Variants in RIC8B observed in about 807,000 individuals in gnomAD.
RIC8B encodes RIC8 guanine nucleotide exchange factor B, also known as chaperone Ric-8B.
Under a neutral mutation model 57.5 loss-of-function variants are expected in RIC8B, and 16 were observed. That is an observed-to-expected ratio of 0.28 (90% confidence interval 0.19 to 0.42). The LOEUF (loss-of-function observed/expected upper bound fraction) is 0.42. Ranked by LOEUF, RIC8B falls within the 10% of genes least tolerant of loss-of-function variation. The pLI is 1.00. For synonymous variants in RIC8B, 216 were observed against 250.8 expected (o/e 0.86, Z 1.31); for missense variants, 481 against 677.0 (o/e 0.71, Z 3.21).
At chr12:106,874,635 TA>T in intron 9 of RIC8B, 1 of 1,165,812 alleles carries the variant, frequency 8.6e-7, no homozygotes. Flanking sequence ...ACCAAAATTG[TA>T]AAACCACCAA....
intron 1 of RIC8B, 133 bp from the exon 2 acceptor site, chr12:106,783,864 C>G: frequency 2.8e-6 from 2 of 706,444 alleles, no homozygotes. Flanking sequence ...GTCTCCCTTA[C>G]TTTAATAAGA....
chr12:106,801,250 T>G (rs575643606), intron 2 of RIC8B, among the ~76,000 whole-genome samples: 17 of 152,316 alleles, frequency 1.1e-4, no homozygotes, highest in African/African-American at 3.8e-4. Flanking sequence ...AAACTTTTCT[T>G]GTCAAGAAAG....
intron 2 of RIC8B, among the ~76,000 whole-genome samples, chr12:106,788,277 T>C (rs1224720040): frequency 3.3e-5 from 5 of 152,198 alleles, no homozygotes; most frequent in Admixed American, 1.3e-4. Context: ...TTGCAGGGTA[T>C]AGCTCCACAC....
At chr12:106,871,493 A>AAC (rs1555263958) in intron 9 of RIC8B, 3 of 134,886 alleles carry the variant, frequency 2.2e-5, no homozygotes, top group South Asian at 4.7e-4. Flanking sequence ...AAAAAAAAAA[A>AAC]AAAAACCAAA....
chr12:106,821,057 A>G (rs1396781232), intron 3 of RIC8B, among the ~76,000 whole-genome samples: 1 of 152,270 alleles, frequency 6.6e-6, no homozygotes, highest in Non-Finnish European at 1.5e-5. Flanking sequence ...GGAAACAATT[A>G]GTAAACAGTT....
At chr12:106,835,871 G>A (rs2046575293) in intron 4 of RIC8B, among the ~76,000 whole-genome samples, 1 of 152,158 alleles carries the variant, frequency 6.6e-6, no homozygotes, top group Admixed American at 6.5e-5. Context: ...AGCATTCAGG[G>A]GTCTTTCCAT....
intron 1 of RIC8B, among the ~76,000 whole-genome samples, chr12:106,778,372 T>C (rs2043589355): frequency 6.6e-6 from 1 of 152,232 alleles, no homozygotes; most frequent in African/African-American, 2.4e-5. Context: ...CCAGAAAGAA[T>C]GAAACTTGTC....
rs1566149529 is a variant in RIC8B at position 106,860,299 on chromosome 12, G to C, written c.1338G>C (p.Gly446=). ...VDSLLKYTGY[G]NAAGLLAARG... is the part of the protein sequence containing the mutation. ...GTCTGCTGAAATACACTGGCTATGG[G>C]AATGCTGCAGGACTGTTGGCGGCCA... is the stretch of plus-strand genomic sequence containing the variant. The change falls in exon 8 of 10, where the codon GGG becomes GGC. Residue 446 remains glycine, a synonymous_variant. Coordinates refer to ENST00000392837, the MANE Select transcript of RIC8B (RefSeq NM_001330145.2). The C allele has an allele frequency of 6.2e-7, 1 of 1,606,542 alleles. No individual in the cohort carries two copies. Among genetic ancestry groups the C allele is most frequent in the East Asian group, 2.3e-5 (1 of 44,320 alleles).
chr12:106,869,512 A>G (rs973379968), intron 8 of RIC8B, among the ~76,000 whole-genome samples: 11 of 151,388 alleles, frequency 7.3e-5, no homozygotes, highest in African/African-American at 2.7e-4. Flanking sequence ...AACACTCCAC[A>G]TTGTGTATAT....
At chr12:106,823,691 T>C (rs2045960301) in intron 3 of RIC8B, among the ~76,000 whole-genome samples, 1 of 151,906 alleles carries the variant, frequency 6.6e-6, no homozygotes, top group Admixed American at 6.6e-5. Flanking sequence ...ATAATTTTTT[T>C]TTTTTTTTTT....
intron 4 of RIC8B, among the ~76,000 whole-genome samples, chr12:106,836,899 A>G (rs2046624954): frequency 6.6e-6 from 1 of 152,226 alleles, no homozygotes; most frequent in South Asian, 2.1e-4. Context: ...TGGGTCAGCC[A>G]CACCAACTTC....
intron 4 of RIC8B, among the ~76,000 whole-genome samples, chr12:106,835,137 G>T (rs754549689): frequency 6.6e-6 from 1 of 151,790 alleles, no homozygotes; most frequent in Non-Finnish European, 1.5e-5. Flanking sequence ...TCATTCTTCA[G>T]CCCACTGTAA....
At chr12:106,818,256 T>G (rs1257304251) in intron 3 of RIC8B, among the ~76,000 whole-genome samples, 1 of 151,946 alleles carries the variant, frequency 6.6e-6, no homozygotes, top group Non-Finnish European at 1.5e-5. Context: ...AACCTCTGGC[T>G]CCCAGGTTCA....
intron 8 of RIC8B, among the ~76,000 whole-genome samples, chr12:106,861,157 A>G (rs1949915758): frequency 1.3e-5 from 2 of 152,024 alleles, no homozygotes; most frequent in South Asian, 2.1e-4. Flanking sequence ...TATTTGAGCT[A>G]TGTTTTTTCT....
chr12:106,864,578 C>A (rs1950063106), intron 8 of RIC8B, among the ~76,000 whole-genome samples: 1 of 152,118 alleles, frequency 6.6e-6, no homozygotes, highest in African/African-American at 2.4e-5. Flanking sequence ...GTCAGGCAGC[C>A]TGACTCTAGA....
intron 3 of RIC8B, 95 bp downstream of exon 3, chr12:106,815,399 T>C: frequency 7.5e-7 from 1 of 1,340,150 alleles, no homozygotes; most frequent in Non-Finnish European, 1.0e-6. Flanking sequence ...AGTTGGGAAA[T>C]GGAAAAAGTT....
Position 106,860,477 on chromosome 12 carries a change from C to T in RIC8B, c.1451+65C>T, listed in dbSNP as rs1949884167. On this transcript the variant is annotated intron_variant, in intron 8 of 9. Coordinates refer to ENST00000392837, the MANE Select transcript of RIC8B (RefSeq NM_001330145.2). ...CCTTTGAGTTGGTTATTTCCTTTGT[C>T]TTTCATTTTCCAAGTGTTTCTTTTC... The T allele has an allele frequency of 3.4e-6, 4 of 1,191,662 alleles. No homozygotes were observed. In the East Asian group the frequency reaches 1.2e-4, roughly 35 times the overall value. 73.8% of individuals were successfully genotyped at this position (1,191,662 alleles called of 1,614,324 possible). A position where few individuals can be genotyped will look rare whatever the true frequency, so the allele number is the denominator to read the frequency against.
intron 2 of RIC8B, chr12:106,797,863 G>A (rs1386979397): frequency 2.3e-6 from 1 of 443,692 alleles, no homozygotes; most frequent in Non-Finnish European, 4.0e-6. Context: ...CATGATTCGA[G>A]CTTAGGCAGC....
rs1158825407 is a variant in RIC8B, at chr12:106,889,090, A to C, written c.*3075A>C. ...AAAGTAATATATGTTCATTGTGGAA[A>C]GTTTGGAAAATGCAGAAAATAAAAT... On this transcript the variant is annotated 3_prime_UTR_variant, in exon 10 of 10. Coordinates refer to ENST00000392837, the MANE Select transcript of RIC8B (RefSeq NM_001330145.2). 1 of 152,152 alleles carries C rather than the reference A, an allele frequency of 6.6e-6. No homozygotes were observed. The highest frequency in any genetic ancestry group is 1.5e-5 in the Non-Finnish European group (1 of 68,018). 9.4% of individuals were successfully genotyped at this position (152,152 alleles called of 1,614,324 possible). A position where few individuals can be genotyped will look rare whatever the true frequency, so the allele number is the denominator to read the frequency against.
Sources: gnomAD v4.1 joint callset for allele counts (sites outside exome capture counted in the v4.1 genomes callset) on GRCh38, gnomAD v4.1.1 for gene constraint, MANE v1.5 for transcripts, NCBI Gene and HGNC (gene_info 2026-07-23, HGNC 2026-07-21) for gene names.